Variants in AZI2 observed in about 807,000 individuals in gnomAD.
The protein encoded by AZI2 is 5-azacytidine-induced protein 2.
Under a neutral mutation model 45.8 loss-of-function variants are expected in AZI2, and 22 were observed. The observed-to-expected ratio is 0.48, with a 90% CI of 0.34 to 0.69. AZI2 has a LOEUF of 0.69. Ranked by LOEUF, AZI2 falls within the 30% of genes least tolerant of loss-of-function variation. The pLI, the probability that AZI2 is intolerant of heterozygous loss-of-function variation, is 0.01. For missense variants in AZI2, 417 were observed against 441.5 expected (o/e 0.94, Z 0.50); for synonymous variants, 137 against 156.7 (o/e 0.87, Z 0.94).
chr3:28,348,467 C>T (rs1704361620), intron 1 of AZI2, 134 bp downstream of exon 1: 1 of 152,472 alleles, frequency 6.6e-6, no homozygotes, highest in South Asian at 2.1e-4. Flanking sequence ...TGGGCCGCTC[C>T]CTAGTCAAAG....
rs1414159609 is a variant in AZI2 at position 28,326,701 on chromosome 3, G to C, written c.766+131C>G. 3.9e-6 allele frequency: 3 copies of C among 772,262 alleles called. No homozygotes were observed. In the Admixed American group the frequency reaches 5.5e-5, roughly 14 times the overall value. The allele number at this position is 772,262 out of a possible 1,614,324, so 47.8% of individuals were successfully genotyped here. ...CTGAAGCCAAAGCAGAGAATGGGTA[G>C]GCTGCGAATGTACTATATATACTTT... On this transcript the variant is annotated intron_variant, in intron 7 of 7. Transcript: ENST00000479665.
At chr3:28,343,038 C>T (rs911965334) in intron 1 of AZI2, among the ~76,000 whole-genome samples, 1 of 152,026 alleles carries the variant, frequency 6.6e-6, no homozygotes, top group African/African-American at 2.4e-5. Flanking sequence ...CTAACTAGCT[C>T]AGCTGGGATT....
chr3:28,331,553 G>C lies in AZI2; in HGVS notation c.647+816C>G, dbSNP rs1045219045. ...CAACCCCTGATCTAGAAGAGTGGCT[G>C]TATCTCATTTCCTCAAATTGTTTTT... On this transcript the variant is annotated intron_variant, in intron 6 of 7. Coordinates refer to ENST00000479665, the MANE Select transcript of AZI2 (RefSeq NM_022461.5). The C allele has an allele frequency of 9.8e-5, 85 of 867,630 alleles. No individual in the cohort carries two copies. The South Asian group carries it at 1.3e-3, about 13-fold the overall frequency. The allele number at this position is 867,630 out of a possible 1,614,324, so 53.7% of individuals were successfully genotyped here.
rs200055956 is a variant in AZI2 at position 28,340,569 on chromosome 3, C to G, written c.49G>C (p.Ala17Pro). The change falls in exon 2 of 8, where the codon GCC becomes CCC. Residue 17 changes from alanine to proline, a missense_variant. Ala to Pro is a conservative substitution (Grantham distance 27). Coordinates refer to ENST00000479665, the MANE Select transcript of AZI2 (RefSeq NM_022461.5). ...DDICILNHEK[A>P]HKRDTVTPVS... ...GGAGTCACTGTATCTCTCTTATGGG[C>G]TTTTTCATGATTCAGAATACAGATA... 4 of 1,612,912 alleles carry G rather than the reference C, an allele frequency of 2.5e-6. No individual in the cohort carries two copies. The highest frequency in any genetic ancestry group is 8.5e-7 in the Non-Finnish European group (1 of 1,179,416).
chr3:28,330,328 T>C (rs557897796), intron 6 of AZI2, among the ~76,000 whole-genome samples: 2 of 151,444 alleles, frequency 1.3e-5, no homozygotes, highest in East Asian at 3.9e-4. Flanking sequence ...AGCAATATGA[T>C]GGAAGAAATA....
At chr3:28,335,515 G>A (rs115995900) in intron 5 of AZI2, among the ~76,000 whole-genome samples, 2,547 of 151,976 alleles carry the variant, frequency 0.017, 32 homozygotes, top group Middle Eastern at 0.027. Context: ...TGACTCTAAC[G>A]GGAGTTGACA....
rs1217311735 is a variant in AZI2 at position 28,336,825 on chromosome 3, A to G, written c.500T>C (p.Leu167Pro). 1 of 1,613,360 alleles carries G rather than the reference A, an allele frequency of 6.2e-7. No homozygotes were observed. The highest frequency in any genetic ancestry group is 1.7e-5 in the Admixed American group (1 of 59,960). Residue 167 changes from leucine to proline, a missense_variant, in exon 5 of 8, where the codon CTG (leucine) becomes CCG (proline). Coordinates refer to ENST00000479665, the MANE Select transcript of AZI2 (RefSeq NM_022461.5). ...NWEVEKLSCD[L>P]KIHGLEQELE... ...CTCTTGTTCCAAACCATGGATCTTC[A>G]GGTCACAGCTCAACTTTTCCACCTC... is the stretch of plus-strand genomic sequence containing the variant.
chr3:28,336,466 A>T (rs187245682), intron 5 of AZI2, among the ~76,000 whole-genome samples: 2 of 152,180 alleles, frequency 1.3e-5, no homozygotes, highest in African/African-American at 4.8e-5. Flanking sequence ...AGTCTGAAAG[A>T]ACAGTTATAA....
intron 1 of AZI2, among the ~76,000 whole-genome samples, chr3:28,340,933 TCA>T (rs1315949531): frequency 6.6e-6 from 1 of 152,038 alleles, no homozygotes; most frequent in Non-Finnish European, 1.5e-5. Context: ...ATCTGAAATA[TCA>T]GTTTCATTAA....
intron 1 of AZI2, among the ~76,000 whole-genome samples, chr3:28,342,585 A>G (rs1415949884): frequency 6.6e-6 from 1 of 152,050 alleles, no homozygotes; most frequent in Non-Finnish European, 1.5e-5. Flanking sequence ...AAGAGCAAAC[A>G]TCATTCCAGT....
intron 7 of AZI2, 24 bp from the exon 8 acceptor site, chr3:28,324,478 T>TTA: frequency 7.0e-7 from 1 of 1,435,676 alleles, no homozygotes; most frequent in South Asian, 1.8e-5. Context: ...ACAGACTAAA[T>TTA]GTCAGTTTTC....
chr3:28,341,749 C>CTATTT (rs903411592), intron 1 of AZI2: 39 of 152,104 alleles, frequency 2.6e-4, no homozygotes, highest in African/African-American at 9.2e-4. Context: ...ATATAGCACT[C>CTATTT]TAAATAAAGA....
chr3:28,343,553 A>G (rs1704113355), intron 1 of AZI2, among the ~76,000 whole-genome samples: 1 of 151,832 alleles, frequency 6.6e-6, no homozygotes, highest in South Asian at 2.1e-4. Context: ...TTTTTAATTC[A>G]CAACCAGTGA....
intron 6 of AZI2, 105 bp downstream of exon 6, chr3:28,332,264 A>G (rs145279298): frequency 2.1e-6 from 2 of 966,574 alleles, no homozygotes; most frequent in Admixed American, 2.2e-5. Context: ...AACAATATCC[A>G]TTTTTTGTTT....
At chr3:28,342,410 C>G (rs977623592) in intron 1 of AZI2, among the ~76,000 whole-genome samples, 1 of 151,962 alleles carries the variant, frequency 6.6e-6, no homozygotes, top group Non-Finnish European at 1.5e-5. Context: ...CAAGAATAGA[C>G]TATGCTATCT....
intron 1 of AZI2, chr3:28,341,659 A>G (rs1009287186): frequency 6.6e-6 from 1 of 152,120 alleles, no homozygotes; most frequent in African/African-American, 2.4e-5. Flanking sequence ...TGGGAAAAAC[A>G]GAATAAGAGG....
Position 28,324,327 on chromosome 3 carries a change from G to C in AZI2, c.894C>G (p.Thr298=). 6.2e-7 allele frequency: 1 copy of C among 1,605,132 alleles called. No individual in the cohort carries two copies. The highest frequency in any genetic ancestry group is 8.5e-7 in the Non-Finnish European group (1 of 1,174,668). The change falls in exon 8 of 8, where the codon ACC becomes ACG. Residue 298 remains threonine (T), a synonymous_variant. Coordinates refer to ENST00000479665, the MANE Select transcript of AZI2 (RefSeq NM_022461.5). ...LLPNGKALCH[T]TSSPLPGDVK... ...CATCTCCTGGTAAAGGGGAAGATGT[G>C]GTATGACAAAGAGCTTTGCCATTTG... is the stretch of plus-strand genomic sequence containing the variant.
rs1422025494 is a variant in AZI2, at chr3:28,338,542, C to T, written c.290G>A (p.Arg97Gln). Reference protein sequence around the residue: ...EQVNKAYHAYREVCIDRDNLK... With the variant: ...EQVNKAYHAYQEVCIDRDNLK... ...ATTATCTCTATCAATGCAAACCTCTCGATATGCATGATAGGCCTTATTTAC... is the reference window on the plus strand; with the variant it reads ...ATTATCTCTATCAATGCAAACCTCTTGATATGCATGATAGGCCTTATTTAC... Residue 97 changes from arginine (R) to glutamine (Q), a missense_variant, in exon 3 of 8, where the codon CGA becomes CAA. Coordinates refer to ENST00000479665, the MANE Select transcript of AZI2 (RefSeq NM_022461.5). 3 of 1,605,752 alleles carry T rather than the reference C, an allele frequency of 1.9e-6. No individual in the cohort carries two copies. Among genetic ancestry groups the T allele is most frequent in the Non-Finnish European group, 2.6e-6 (3 of 1,174,432 alleles).
intron 1 of AZI2, among the ~76,000 whole-genome samples, chr3:28,343,867 A>G (rs1029038333): frequency 6.6e-6 from 1 of 152,084 alleles, no homozygotes; most frequent in African/African-American, 2.4e-5. Context: ...TATTGATACA[A>G]TAATGTCACA....
Sources: gnomAD v4.1 joint callset for allele counts (sites outside exome capture counted in the v4.1 genomes callset) on GRCh38, gnomAD v4.1.1 for gene constraint, MANE v1.5 for transcripts, NCBI Gene and HGNC (gene_info 2026-07-23, HGNC 2026-07-21) for gene names.